SYN3: variants seen among roughly 807,000 people sequenced by gnomAD.
The protein encoded by SYN3 is synapsin-3.
Under a neutral mutation model 65.8 loss-of-function variants are expected in SYN3, and 35 were observed. The observed-to-expected ratio is 0.53, with a 90% CI of 0.41 to 0.70. The LOEUF is 0.70. Among genes scored for constraint, SYN3 ranks in the 30% least tolerant of loss-of-function variants. The probability of loss-of-function intolerance (pLI) is 0.00; values close to 1 mark genes in which losing one functional copy is unlikely to be tolerated. For missense variants in SYN3, 680 were observed against 749.0 expected (o/e 0.91, Z 1.08); for synonymous variants, 270 against 292.9 (o/e 0.92, Z 0.80).
intron 3 of SYN3, among the ~76,000 whole-genome samples, chr22:32,941,567 G>C (rs1312435026): frequency 1.3e-5 from 2 of 150,696 alleles, no homozygotes; most frequent in African/African-American, 4.8e-5. Flanking sequence ...TGAGGTACCA[G>C]GTTCATCTCA....
At chr22:32,671,282 A>T (rs928191890) in intron 6 of SYN3, among the ~76,000 whole-genome samples, 1 of 151,598 alleles carries the variant, frequency 6.6e-6, no homozygotes, top group African/African-American at 2.4e-5. Context: ...TTACACTCCC[A>T]CCCATGCTCA....
chr22:32,693,691 A>G (rs2060698688), intron 6 of SYN3, among the ~76,000 whole-genome samples: 1 of 140,462 alleles, frequency 7.1e-6, no homozygotes, highest in Admixed American at 7.8e-5. Context: ...TCCCGGGTTC[A>G]AATGATTCTC....
intron 6 of SYN3, among the ~76,000 whole-genome samples, chr22:32,642,194 C>A (rs1253381541): frequency 6.6e-6 from 1 of 151,764 alleles, no homozygotes; most frequent in African/African-American, 2.4e-5. Context: ...GAGGCTGAGG[C>A]AGGAGAATCG....
intron 12 of SYN3, among the ~76,000 whole-genome samples, chr22:32,523,687 C>A (rs1233447949): frequency 2.0e-5 from 3 of 152,124 alleles, no homozygotes; most frequent in Non-Finnish European, 2.9e-5. Context: ...CAATAATGGC[C>A]TCTAAATATT....
intron 1 of SYN3, among the ~76,000 whole-genome samples, chr22:33,025,836 G>A (rs1485918861): frequency 6.6e-6 from 1 of 152,162 alleles, no homozygotes; most frequent in Non-Finnish European, 1.5e-5. Context: ...CCTGCCCACT[G>A]ACTTTGGGTA....
chr22:32,555,737 C>T (rs1010185723), intron 7 of SYN3, among the ~76,000 whole-genome samples: 7 of 152,136 alleles, frequency 4.6e-5, no homozygotes, highest in Admixed American at 3.3e-4. Context: ...ATAATAAAAC[C>T]ATAACCCGGG....
chr22:32,841,770 G>T (rs1243124677), intron 6 of SYN3, among the ~76,000 whole-genome samples: 2 of 152,064 alleles, frequency 1.3e-5, no homozygotes, highest in Non-Finnish European at 2.9e-5. Context: ...GATAGGTGCA[G>T]CAAATCACTA....
chr22:32,995,178 G>A (rs571430071), intron 2 of SYN3, among the ~76,000 whole-genome samples: 9 of 152,300 alleles, frequency 5.9e-5, no homozygotes, highest in African/African-American at 1.9e-4. Context: ...TGAGAATGGG[G>A]TCAATAGGGG....
intron 7 of SYN3, among the ~76,000 whole-genome samples, chr22:32,563,363 AAC>A: frequency 6.6e-6 from 1 of 152,346 alleles, no homozygotes; most frequent in Non-Finnish European, 1.5e-5. Flanking sequence ...ATTCTGCATA[AAC>A]ACAGTGTGGA....
At chr22:33,038,200 A>G (rs1244255686) in intron 1 of SYN3, among the ~76,000 whole-genome samples, 1 of 152,184 alleles carries the variant, frequency 6.6e-6, no homozygotes, top group Non-Finnish European at 1.5e-5. Flanking sequence ...ATGCCCCCTT[A>G]GGCCAGGCAC....
chr22:32,524,003 C>G (rs2057934048), intron 12 of SYN3, among the ~76,000 whole-genome samples: 1 of 152,228 alleles, frequency 6.6e-6, no homozygotes, highest in Non-Finnish European at 1.5e-5. Context: ...TAATCCAGAG[C>G]AAGGCCCTAA....
At chr22:32,640,863 T>C in intron 6 of SYN3, among the ~76,000 whole-genome samples, 1 of 151,558 alleles carries the variant, frequency 6.6e-6, no homozygotes, top group Non-Finnish European at 1.5e-5. Flanking sequence ...CAAGACTCTG[T>C]CTCGGAAAAA....
chr22:32,688,600 C>A (rs1429273962), intron 6 of SYN3, among the ~76,000 whole-genome samples: 1 of 152,120 alleles, frequency 6.6e-6, no homozygotes, highest in Non-Finnish European at 1.5e-5. Flanking sequence ...AATCCCAAAG[C>A]TTGGATGGTA....
chr22:32,649,634 C>T (rs1000693390), intron 6 of SYN3, among the ~76,000 whole-genome samples: 3 of 152,124 alleles, frequency 2.0e-5, no homozygotes, highest in East Asian at 1.9e-4. Context: ...ACTAGCTTCG[C>T]GGCTGGGCCC....
At chr22:32,869,842 G>A (rs1276536623) in intron 4 of SYN3, among the ~76,000 whole-genome samples, 1 of 151,950 alleles carries the variant, frequency 6.6e-6, no homozygotes, top group East Asian at 1.9e-4. Context: ...TAAAGATCTG[G>A]ACCATCTCCC....
At chr22:32,652,980 C>T (rs1045973538) in intron 6 of SYN3, among the ~76,000 whole-genome samples, 4 of 151,528 alleles carry the variant, frequency 2.6e-5, no homozygotes, top group Non-Finnish European at 4.4e-5. Context: ...TGCAATGGGG[C>T]TTTCATTGCA....
At chr22:32,647,307 G>C (rs1049641845) in intron 6 of SYN3, among the ~76,000 whole-genome samples, 5 of 152,142 alleles carry the variant, frequency 3.3e-5, no homozygotes, top group Admixed American at 6.5e-5. Flanking sequence ...CAAGGCTACA[G>C]GCATATGAGG....
intron 13 of SYN3, 34 bp from the exon 14 acceptor site, chr22:32,513,858 A>G (rs2146043676): frequency 6.2e-7 from 1 of 1,613,392 alleles, no homozygotes; most frequent in South Asian, 1.1e-5. Flanking sequence ...TGAGGAAGAC[A>G]AGGCGAAGAC....
chr22:32,636,260 G>A (rs1244136427), intron 6 of SYN3, among the ~76,000 whole-genome samples: 1 of 152,098 alleles, frequency 6.6e-6, no homozygotes, highest in Admixed American at 6.6e-5. Context: ...AAATCAGCCG[G>A]GCGTGGTGGC....
Sources: allele counts gnomAD v4.1 joint callset (sites outside exome capture counted in the v4.1 genomes callset), GRCh38; gene constraint gnomAD v4.1.1; transcripts MANE v1.5; gene names NCBI Gene and HGNC (gene_info 2026-07-23, HGNC 2026-07-21).